The following RFWD3 variants were observed in gnomAD, a reference collection of about 807,000 sequenced individuals.
RFWD3 encodes the protein ring finger and WD repeat domain 3, also known as E3 ubiquitin-protein ligase RFWD3.
RFWD3 carries 65 observed loss-of-function variants against 87.7 expected under a neutral mutation model. The observed-to-expected ratio is 0.74, with a 90% CI of 0.61 to 0.91. RFWD3 has a LOEUF of 0.91. Among genes scored for constraint, RFWD3 ranks in the 40% least tolerant of loss-of-function variants. RFWD3 has a pLI of 0.00. For missense variants in RFWD3, 1,078 were observed against 938.5 expected (o/e 1.15, Z -1.94); for synonymous variants, 433 against 352.8 (o/e 1.23, Z -2.55).
At chr16:74,651,719 A>T (rs1960581962) in intron 3 of RFWD3, among the ~76,000 whole-genome samples, 1 of 152,236 alleles carries the variant, frequency 6.6e-6, no homozygotes, top group Non-Finnish European at 1.5e-5. Context: ...ACTGGGTCAC[A>T]AATTACATTA....
Position 74,661,246 on chromosome 16 carries a change from G to A in RFWD3, c.204C>T (p.Pro68=), listed in dbSNP as rs1961409227. 6.2e-7 allele frequency: 1 copy of A among 1,614,192 alleles called. No individual in the cohort carries two copies. Among genetic ancestry groups the A allele is most frequent in the Non-Finnish European group, 8.5e-7 (1 of 1,180,034 alleles). ...AEVISSQATP[P]LLQPAPQLSV... ...ACAGTTGCGGAGCAGGCTGGAGCAG[G>A]GGTGGTGTCGCTTGGCTGCTGATCA... Residue 68 remains proline, a synonymous_variant, in exon 2 of 13, where the codon CCC becomes CCT. Coordinates refer to ENST00000361070, the MANE Select transcript of RFWD3 (RefSeq NM_018124.4).
At chr16:74,636,123 T>C (rs1243027132) in intron 8 of RFWD3, among the ~76,000 whole-genome samples, 1 of 152,226 alleles carries the variant, frequency 6.6e-6, no homozygotes, top group Admixed American at 6.5e-5. Flanking sequence ...ATCTGCTTTA[T>C]CATGGTTATC....
At chr16:74,640,109 G>C (rs4346229) in intron 6 of RFWD3, among the ~76,000 whole-genome samples, 18,932 of 151,858 alleles carry the variant, frequency 0.12, 1,417 homozygotes, top group Admixed American at 0.23. Flanking sequence ...GTGGCTAAGG[G>C]GGGACTACTG....
Position 74,644,686 on chromosome 16 carries a change from T to C in RFWD3, c.842A>G (p.Glu281Gly), listed in dbSNP as rs371419710. ...EPLLPSASMDEEEGDTCTICL... is the reference protein window; with the variant it reads ...EPLLPSASMDGEEGDTCTICL... ...TATTGTACAAGTGTCCCCTTCTTCC[T>C]CATCCATAGAAGCAGAAGGTAGCAG... is the stretch of plus-strand genomic sequence containing the variant. The change falls in exon 5 of 13, where the codon GAG becomes GGG. Residue 281 changes from glutamate to glycine, a missense_variant. By Grantham distance (98) the Glu-to-Gly change is moderately conservative (BLOSUM62 -2). Transcript: ENST00000361070. 1 of 1,614,194 alleles carries C rather than the reference T, an allele frequency of 6.2e-7. No homozygotes were observed. The highest frequency in any genetic ancestry group is 1.1e-5 in the South Asian group (1 of 91,086).
At chr16:74,665,935 T>A (rs749289346) in intron 1 of RFWD3, among the ~76,000 whole-genome samples, 1 of 151,962 alleles carries the variant, frequency 6.6e-6, no homozygotes, top group Non-Finnish European at 1.5e-5. Context: ...TGGCCTCAGG[T>A]GATCCGACTG....
intron 2 of RFWD3, among the ~76,000 whole-genome samples, chr16:74,655,714 G>A (rs1051641631): frequency 7.9e-5 from 12 of 151,452 alleles, no homozygotes; most frequent in Admixed American, 2.0e-4. Context: ...TAGTGGAGAC[G>A]GGGTTTCACC....
intron 1 of RFWD3, among the ~76,000 whole-genome samples, chr16:74,663,131 CCT>C (rs1483976233): frequency 3.9e-5 from 6 of 152,124 alleles, no homozygotes; most frequent in Non-Finnish European, 8.8e-5. Flanking sequence ...GTCTCGATCC[CCT>C]GACCTGGTGA....
At chr16:74,659,914 G>T (rs1257460870) in intron 2 of RFWD3, among the ~76,000 whole-genome samples, 1 of 152,158 alleles carries the variant, frequency 6.6e-6, no homozygotes, top group Non-Finnish European at 1.5e-5. Context: ...ACATCGGCAT[G>T]GTTGCGTATG....
chr16:74,643,493 A>T lies in RFWD3; in HGVS notation c.1079+869T>A, dbSNP rs899993882. ...CTTCAATGTTTCTTTAGAATGCCTG[A>T]ACAATTACTAGATCAAAGGCTTTAG... is the stretch of plus-strand genomic sequence containing the variant. On this transcript the variant is annotated intron_variant, in intron 6 of 12. Coordinates refer to ENST00000361070, the MANE Select transcript of RFWD3 (RefSeq NM_018124.4). Among the ~76,000 whole-genome samples the T allele has an allele frequency of 5.9e-5, 9 of 152,138 alleles. No homozygotes were observed. In the East Asian group the frequency reaches 1.5e-3, roughly 26 times the overall value.
chr16:74,644,512 G>C, intron 5 of RFWD3, 29 bp downstream of exon 5: 1 of 1,614,136 alleles, frequency 6.2e-7, no homozygotes, highest in South Asian at 1.1e-5. Context: ...GACTTAACAT[G>C]TTAATGTGTC....
chr16:74,658,823 A>C (rs1420542258), intron 2 of RFWD3, among the ~76,000 whole-genome samples: 2 of 149,944 alleles, frequency 1.3e-5, no homozygotes, highest in Non-Finnish European at 2.9e-5. Flanking sequence ...GCTGGATTAC[A>C]GTGACAAGAT....
At chr16:74,646,544 T>C (rs550371455) in intron 4 of RFWD3, among the ~76,000 whole-genome samples, 14 of 152,244 alleles carry the variant, frequency 9.2e-5, no homozygotes, top group African/African-American at 3.1e-4. Context: ...TCCTAGCACT[T>C]TGGGAGGCCA....
chr16:74,649,671 G>T (rs1273919249), intron 3 of RFWD3, among the ~76,000 whole-genome samples: 2 of 151,870 alleles, frequency 1.3e-5, no homozygotes, highest in African/African-American at 4.8e-5. Context: ...AAATATCCAG[G>T]CATCCAGTTC....
At chr16:74,645,884 C>G (rs530402561) in intron 4 of RFWD3, among the ~76,000 whole-genome samples, 2 of 150,370 alleles carry the variant, frequency 1.3e-5, no homozygotes, top group South Asian at 2.1e-4. Context: ...TCCTGAGTAG[C>G]TGGGACTACA....
At chr16:74,654,433 T>A (rs1960809716) in intron 2 of RFWD3, among the ~76,000 whole-genome samples, 2 of 152,340 alleles carry the variant, frequency 1.3e-5, no homozygotes, top group African/African-American at 2.4e-5. Flanking sequence ...ATCACACCCA[T>A]ATAAGATGGT....
At chr16:74,627,676 C>G (rs1415362465) in intron 11 of RFWD3, among the ~76,000 whole-genome samples, 3 of 152,156 alleles carry the variant, frequency 2.0e-5, no homozygotes, top group Non-Finnish European at 4.4e-5. Flanking sequence ...AGGGTACCTG[C>G]CAGTACAAAC....
chr16:74,631,415 G>C (rs1221330318), intron 9 of RFWD3, among the ~76,000 whole-genome samples: 1 of 151,856 alleles, frequency 6.6e-6, no homozygotes, highest in African/African-American at 2.4e-5. Flanking sequence ...GGAAGTTGCA[G>C]TGAGCTAAGA....
rs767211022 is a variant in RFWD3, at chr16:74,623,452, G to C, written c.*476C>G. ...CTACAGTGCCCTCTTGTGTTCAACT[G>C]AATAATACTCTTTTACATCTACGTT... is the stretch of plus-strand genomic sequence containing the variant. On this transcript the variant is annotated 3_prime_UTR_variant, in exon 13 of 13. Coordinates refer to ENST00000361070, the MANE Select transcript of RFWD3 (RefSeq NM_018124.4). 1 of 154,244 alleles carries C rather than the reference G, an allele frequency of 6.5e-6. No homozygotes were observed. Among genetic ancestry groups the C allele is most frequent in the Non-Finnish European group, 1.4e-5 (1 of 69,378 alleles). The allele number at this position is 154,244 out of a possible 1,614,324, so 9.6% of individuals were successfully genotyped here. A position where few individuals can be genotyped will look rare whatever the true frequency, so the allele number is the denominator to read the frequency against.
intron 9 of RFWD3, among the ~76,000 whole-genome samples, chr16:74,631,778 C>T (rs1334461252): frequency 1.3e-5 from 2 of 152,026 alleles, no homozygotes; most frequent in African/African-American, 4.8e-5. Context: ...CCAAAGCTTC[C>T]TCCATCCTGT....
Sources: gnomAD v4.1 joint callset for allele counts (sites outside exome capture counted in the v4.1 genomes callset) on GRCh38, gnomAD v4.1.1 for gene constraint, MANE v1.5 for transcripts, NCBI Gene and HGNC (gene_info 2026-07-23, HGNC 2026-07-21) for gene names.